The following ST3GAL3 variants were observed in gnomAD, a reference collection of about 807,000 sequenced individuals.
ST3GAL3 encodes the protein CMP-N-acetylneuraminate-beta-1,4-galactoside alpha-2,3-sialyltransferase.
A neutral mutation model predicts 50.1 loss-of-function variants in ST3GAL3; 21 were observed. That is an observed-to-expected ratio of 0.42 (90% CI 0.30 to 0.60). The LOEUF (loss-of-function observed/expected upper bound fraction) is 0.60, where lower values mean the gene tolerates loss of function less well. Ranked by LOEUF, ST3GAL3 falls within the 20% of genes least tolerant of loss-of-function variation. ST3GAL3 has a pLI of 0.19. For synonymous variants in ST3GAL3, 183 were observed against 190.0 expected (o/e 0.96, Z 0.30); for missense variants, 353 against 489.4 (o/e 0.72, Z 2.63).
rs151297700 is a variant in ST3GAL3 at position 43,751,922 on chromosome 1, G to A, written c.118+15542G>A. Among the ~76,000 whole-genome samples the A allele has an allele frequency of 1.6e-3, 242 of 151,854 alleles. No homozygotes were observed. In the Middle Eastern group the frequency reaches 0.048, roughly 30 times the overall value. On this transcript the variant is annotated intron_variant, in intron 2 of 11. Transcript: ENST00000347631. ...GCAACCTCCACCTCCGGGTTCAAGCGATTCTCCTGTCTCAGTTTCCTCAGT... is the reference window on the plus strand; with the variant it reads ...GCAACCTCCACCTCCGGGTTCAAGCAATTCTCCTGTCTCAGTTTCCTCAGT...
At chr1:43,833,548 G>A (rs1286853582) in intron 4 of ST3GAL3, among the ~76,000 whole-genome samples, 14 of 152,060 alleles carry the variant, frequency 9.2e-5, no homozygotes, top group Non-Finnish European at 5.9e-5. Context: ...TATAAAGTAA[G>A]TACTAGTATA....
At chr1:43,784,237 G>T (rs1166429890) in intron 2 of ST3GAL3, among the ~76,000 whole-genome samples, 19 of 152,120 alleles carry the variant, frequency 1.2e-4, no homozygotes. Context: ...GGCCAGGCGT[G>T]GTGGCTCGTG....
At chr1:43,921,035 C>A in intron 11 of ST3GAL3, 107 bp downstream of exon 11, 6 of 1,346,584 alleles carry the variant, frequency 4.5e-6, no homozygotes, top group Non-Finnish European at 6.1e-6. Context: ...CCAGAACTCC[C>A]CAGAAGGTCC....
chr1:43,864,917 T>C (rs1459710847), intron 5 of ST3GAL3, among the ~76,000 whole-genome samples: 1 of 152,118 alleles, frequency 6.6e-6, no homozygotes, highest in African/African-American at 2.4e-5. Flanking sequence ...GGAGAACGCT[T>C]AGCTTCAAAT....
chr1:43,850,777 C>CG (rs2067143658), intron 5 of ST3GAL3: 1 of 862,002 alleles, frequency 1.2e-6, no homozygotes, highest in Non-Finnish European at 2.0e-6. Context: ...TGATAAACTT[C>CG]AAATTCCAGA....
At chr1:43,817,568 C>CT (rs776847014) in intron 4 of ST3GAL3, among the ~76,000 whole-genome samples, 1 of 14,794 alleles carries the variant, frequency 6.8e-5, no homozygotes. Context: ...CTTCTTCCTT[C>CT]TTCTTCTCCT....
rs142666918 is a variant in ST3GAL3, at chr1:43,766,935, A to G, written c.119-25167A>G. Among the ~76,000 whole-genome samples the G allele has an allele frequency of 1.6e-4, 24 of 152,326 alleles. 1 individual carries two copies. The East Asian group carries it at 4.4e-3, about 28-fold the overall frequency. ...TGAGAAGTGCATTCTAGGCAGTGATAGTAGCATGAATAAAGTGGAGGGGCC... is the reference window on the plus strand; with the variant it reads ...TGAGAAGTGCATTCTAGGCAGTGATGGTAGCATGAATAAAGTGGAGGGGCC... On this transcript the variant is annotated intron_variant, in intron 2 of 11. Transcript: ENST00000347631.
intron 2 of ST3GAL3, among the ~76,000 whole-genome samples, chr1:43,774,973 A>G (rs1406878992): frequency 6.6e-6 from 1 of 152,168 alleles, no homozygotes; most frequent in Non-Finnish European, 1.5e-5. Context: ...GAAAGATGCC[A>G]GTCTGAGATG....
At chr1:43,813,145 A>G (rs1044299113) in intron 3 of ST3GAL3, among the ~76,000 whole-genome samples, 1 of 152,172 alleles carries the variant, frequency 6.6e-6, no homozygotes, top group African/African-American at 2.4e-5. Context: ...CCATGAGGGA[A>G]ACATTCTCTG....
At chr1:43,815,114 G>A in intron 4 of ST3GAL3, 181 bp downstream of exon 4, 1 of 693,756 alleles carries the variant, frequency 1.4e-6, no homozygotes, top group East Asian at 2.6e-5. Context: ...CAGAGAGGGT[G>A]GGATGATGGG....
chr1:43,734,590 G>T (rs991866712), intron 1 of ST3GAL3, among the ~76,000 whole-genome samples: 1 of 152,074 alleles, frequency 6.6e-6, no homozygotes, highest in African/African-American at 2.4e-5. Context: ...GATTATAGGC[G>T]TGAGCCACTG....
At chr1:43,879,545 T>C (rs2074735840) in intron 5 of ST3GAL3, 1 of 386,026 alleles carries the variant, frequency 2.6e-6, no homozygotes, top group Non-Finnish European at 5.2e-6. Context: ...AGTGATTGTA[T>C]TAACAGGACT....
At chr1:43,790,211 A>G (rs1430481552) in intron 2 of ST3GAL3, among the ~76,000 whole-genome samples, 1 of 152,258 alleles carries the variant, frequency 6.6e-6, no homozygotes, top group East Asian at 1.9e-4. Context: ...ATTGAGTGCC[A>G]GGTGTAGCAG....
chr1:43,917,563 ATAT>A (rs1474369809), intron 9 of ST3GAL3, among the ~76,000 whole-genome samples: 1 of 84,586 alleles, frequency 1.2e-5, no homozygotes, highest in African/African-American at 5.0e-5. Context: ...ATAATATATT[ATAT>A]TATATAATAT....
intron 5 of ST3GAL3, among the ~76,000 whole-genome samples, chr1:43,870,757 G>A (rs978038585): frequency 6.6e-6 from 1 of 152,102 alleles, no homozygotes; most frequent in African/African-American, 2.4e-5. Flanking sequence ...TTGAAGCTAG[G>A]GGGAGACATG....
intron 2 of ST3GAL3, among the ~76,000 whole-genome samples, chr1:43,778,637 TTTTTTTC>T (rs1572683064): frequency 2.4e-5 from 3 of 126,490 alleles, no homozygotes; most frequent in East Asian, 2.6e-4. Flanking sequence ...ATTTCTTTTC[TTTTTTTC>T]TTTTTTTTTT....
intron 5 of ST3GAL3, among the ~76,000 whole-genome samples, chr1:43,882,034 G>A (rs2154257161): frequency 6.6e-6 from 1 of 152,366 alleles, no homozygotes; most frequent in Admixed American, 6.5e-5. Context: ...GCAAGCCGGG[G>A]GGTGCTACAC....
chr1:43,864,477 C>A (rs2070809098), intron 5 of ST3GAL3, among the ~76,000 whole-genome samples: 1 of 152,078 alleles, frequency 6.6e-6, no homozygotes, highest in Non-Finnish European at 1.5e-5. Context: ...TAGGGAAGGG[C>A]AGGAATCACA....
intron 1 of ST3GAL3, among the ~76,000 whole-genome samples, chr1:43,728,481 A>G (rs1674044636): frequency 6.6e-6 from 1 of 152,214 alleles, no homozygotes; most frequent in Admixed American, 6.5e-5. Context: ...ACAGTGGCGC[A>G]CGCCTGTAAT....
Sources: allele counts gnomAD v4.1 joint callset (sites outside exome capture counted in the v4.1 genomes callset), GRCh38; gene constraint gnomAD v4.1.1; transcripts MANE v1.5; gene names NCBI Gene and HGNC (gene_info 2026-07-23, HGNC 2026-07-21).